The following RPS14 variants were observed in gnomAD, a reference collection of about 807,000 sequenced individuals.
RPS14 encodes ribosomal protein S14.
Under a neutral mutation model 15.4 loss-of-function variants are expected in RPS14, and 1 was observed. The observed-to-expected ratio is 0.07, with a 90% CI of 0.02 to 0.31. The LOEUF (loss-of-function observed/expected upper bound fraction) is 0.31. Ranked by LOEUF, RPS14 falls within the 10% of genes least tolerant of loss-of-function variation. The probability of loss-of-function intolerance (pLI) is 1.00; values close to 1 mark genes in which losing one functional copy is unlikely to be tolerated. For synonymous variants in RPS14, 68 were observed against 74.4 expected (o/e 0.91, Z 0.44); for missense variants, 69 against 205.5 (o/e 0.34, Z 4.06).
In RPS14 at chr5:150,446,447, A is replaced by G. The variant is rs13177970; in HGVS notation, c.311+355T>C. 0.22 allele frequency among the ~76,000 whole-genome samples: 32,794 copies of G among 151,596 alleles called. 4,207 individuals are homozygous for G. The highest frequency in any genetic ancestry group is 0.4 in the South Asian group (1,937 of 4,814). On this transcript the variant is annotated intron_variant, in intron 3 of 4. Coordinates refer to ENST00000407193, the MANE Select transcript of RPS14 (RefSeq NM_005617.4). This position sits in a 1 kb window ranked among gnomAD's most constrained non-coding sequence, Gnocchi z 4.2. Reference sequence around the variant, plus strand: ...TAGTTTAAATTACACTTTATCACCAACTCCTTACTTGTGCTTCCTGGCATT... The same window carrying G: ...TAGTTTAAATTACACTTTATCACCAGCTCCTTACTTGTGCTTCCTGGCATT...
In RPS14 at chr5:150,445,597, G is replaced by A. The variant is rs1192465020; in HGVS notation, c.388+12C>T. On this transcript the variant is annotated intron_variant, in intron 4 of 4. Coordinates refer to ENST00000407193, the MANE Select transcript of RPS14 (RefSeq NM_005617.4). Reference sequence around the variant, plus strand: ...AAATAAACCCAAGCATTAGCTAGAGGGGGGCACTTACCAATCCGCCCGATC... The same window carrying A: ...AAATAAACCCAAGCATTAGCTAGAGAGGGGCACTTACCAATCCGCCCGATC... 1 of 1,612,448 alleles carries A rather than the reference G, an allele frequency of 6.2e-7. No homozygotes were observed. The highest frequency in any genetic ancestry group is 1.7e-5 in the Admixed American group (1 of 59,878).
intron 2 of RPS14, chr5:150,447,298 G>A (rs556086016): frequency 1.9e-6 from 1 of 535,336 alleles, no homozygotes; most frequent in South Asian, 2.4e-5. Flanking sequence ...CGCACCCAGA[G>A]CCCACTTGCA....
intron 2 of RPS14, chr5:150,447,280 G>A (rs905098145): frequency 5.7e-5 from 30 of 523,426 alleles, no homozygotes; most frequent in African/African-American, 4.8e-4. Context: ...CTAAATGGCC[G>A]TCGAACCCGC....
intron 4 of RPS14, chr5:150,444,744 C>A: frequency 2.3e-6 from 1 of 435,076 alleles, no homozygotes; most frequent in Non-Finnish European, 4.6e-6. Context: ...TAAGGCTGGG[C>A]GCGGTGGCTC....
Position 150,446,599 on chromosome 5 carries a change from C to A in RPS14, c.311+203G>T, listed in dbSNP as rs1771105645. ...TTTCCCCATCACTCTCTTCTAGTAC[C>A]TGAAACACAGCTCCTAGTATACAGT... On this transcript the variant is annotated intron_variant, in intron 3 of 4. Coordinates refer to ENST00000407193, the MANE Select transcript of RPS14 (RefSeq NM_005617.4). The surrounding 1 kb of genome is among the most constrained non-coding windows in gnomAD (Gnocchi z 4.2). Among the ~76,000 whole-genome samples the A allele has an allele frequency of 6.6e-6, 1 of 152,180 alleles. No individual in the cohort carries two copies. The highest frequency in any genetic ancestry group is 2.4e-5 in the African/African-American group (1 of 41,436).
chr5:150,447,356 C>G (rs958485517), intron 2 of RPS14: 1 of 576,190 alleles, frequency 1.7e-6, no homozygotes, highest in East Asian at 2.9e-5. Context: ...AGATAATTCC[C>G]AAGAAACCAA....
At chr5:150,444,678 A>C in intron 4 of RPS14, 1 of 533,306 alleles carries the variant, frequency 1.9e-6, no homozygotes, top group East Asian at 4.6e-5. Flanking sequence ...GGTAACTGCA[A>C]CTGTCTCGTT....
chr5:150,444,859 T>TAAAAA (rs1249287991), intron 4 of RPS14, among the ~76,000 whole-genome samples: 1 of 98,356 alleles, frequency 1.0e-5, no homozygotes. Flanking sequence ...AACTCCCCGC[T>TAAAAA]ACAAAAAAAA....
chr5:150,444,873 G>A (rs1367822460), intron 4 of RPS14, among the ~76,000 whole-genome samples: 8 of 120,606 alleles, frequency 6.6e-5, no homozygotes, highest in East Asian at 5.2e-4. Context: ...AAAAAAAAAA[G>A]CCCGGTGTGG....
At chr5:150,444,471 C>G (rs1771029191) in intron 4 of RPS14, 118 bp from the exon 5 acceptor site, 1 of 791,348 alleles carries the variant, frequency 1.3e-6, no homozygotes, top group Non-Finnish European at 2.2e-6. Flanking sequence ...CAAATGACTC[C>G]CCAGTACCTA....
At position 150,447,739 on chromosome 5, in the gene RPS14, A is replaced by C. The variant is rs1224164517; in HGVS notation, c.-2-4T>G. 6.2e-7 allele frequency: 1 copy of C among 1,611,946 alleles called. No individual in the cohort carries two copies. Among genetic ancestry groups the C allele is most frequent in the Non-Finnish European group, 8.5e-7 (1 of 1,178,436 alleles). ...TTCCCCTTTCGAGGTGCCATTTCTG[A>C]GTGGAAGGAAAAGAAACTCAAGGTT... On this transcript the variant is annotated splice_polypyrimidine_tract_variant and splice_region_variant and intron_variant, in intron 1 of 4. Transcript: ENST00000407193.
intron 2 of RPS14, chr5:150,447,315 T>C (rs1771130457): frequency 3.7e-6 from 2 of 547,896 alleles, no homozygotes; most frequent in Non-Finnish European, 6.5e-6. Context: ...TGCAGTCCAC[T>C]GCTGCTCCTG....
At chr5:150,447,441 T>C in intron 2 of RPS14, 144 bp downstream of exon 2, 1 of 809,436 alleles carries the variant, frequency 1.2e-6, no homozygotes, top group Non-Finnish European at 2.1e-6. Context: ...ATCACAATAT[T>C]TGTGGGCTAA....
intron 3 of RPS14, 68 bp from the exon 4 acceptor site, chr5:150,445,753 T>C: frequency 8.2e-7 from 1 of 1,218,654 alleles, no homozygotes; most frequent in Non-Finnish European, 1.2e-6. Context: ...CTTTCTAAGA[T>C]CCCAACACCC....
rs1216352276 is a variant in RPS14 at position 150,442,874 on chromosome 5, T to C, written c.*1412A>G. ...CCACCATGCCCAGCTAATTTTTTAT[T>C]TTTTGTAGAGACGGGGTCTCCCTGT... On this transcript the variant is annotated 3_prime_UTR_variant, in exon 5 of 5. Coordinates refer to ENST00000407193, the MANE Select transcript of RPS14 (RefSeq NM_005617.4). The C allele has an allele frequency of 6.6e-6, 1 of 152,108 alleles. No individual in the cohort carries two copies. The highest frequency in any genetic ancestry group is 1.5e-5 in the Non-Finnish European group (1 of 68,060). 9.4% of individuals were successfully genotyped at this position (152,108 alleles called of 1,614,324 possible).
In RPS14 at chr5:150,446,968, G is replaced by C. The variant is rs754827647; in HGVS notation, c.150-5C>G. 2.5e-6 allele frequency: 4 copies of C among 1,613,736 alleles called. No individual in the cohort carries two copies. The highest frequency in any genetic ancestry group is 3.4e-6 in the Non-Finnish European group (4 of 1,179,926). ...GTCACACGGCAGATGGTTTCCCTGGGGACAAAAGCACAGGGTCATTTCTTC... is the reference window on the plus strand; with the variant it reads ...GTCACACGGCAGATGGTTTCCCTGGCGACAAAAGCACAGGGTCATTTCTTC... On this transcript the variant is annotated splice_region_variant and splice_polypyrimidine_tract_variant and intron_variant, in intron 2 of 4. Coordinates refer to ENST00000407193, the MANE Select transcript of RPS14 (RefSeq NM_005617.4). The surrounding 1 kb of genome is among the most constrained non-coding windows in gnomAD (Gnocchi z 4.2).
rs923494727 is a variant in RPS14, at chr5:150,444,746, C to T, written c.389-393G>A. Reference sequence around the variant, plus strand: ...TGAAAAAATCTTTTAAGGCTGGGCGCGGTGGCTCATGCCTGTAATCCTAGC... The same window carrying T: ...TGAAAAAATCTTTTAAGGCTGGGCGTGGTGGCTCATGCCTGTAATCCTAGC... On this transcript the variant is annotated intron_variant, in intron 4 of 4. Coordinates refer to ENST00000407193, the MANE Select transcript of RPS14 (RefSeq NM_005617.4). 3.9e-5 allele frequency: 15 copies of T among 384,212 alleles called. No homozygotes were observed. In the East Asian group the frequency reaches 8.3e-4, roughly 21 times the overall value. The allele number at this position is 384,212 out of a possible 1,614,324, so 23.8% of individuals were successfully genotyped here. A position where few individuals can be genotyped will look rare whatever the true frequency, so the allele number is the denominator to read the frequency against.
chr5:150,446,527 C>G lies in RPS14; in HGVS notation c.311+275G>C, dbSNP rs569171537. On this transcript the variant is annotated intron_variant, in intron 3 of 4. Coordinates refer to ENST00000407193, the MANE Select transcript of RPS14 (RefSeq NM_005617.4). The surrounding 1 kb of genome is among the most constrained non-coding windows in gnomAD (Gnocchi z 4.2). ...GTGCTCTGTTGTTTAAAGTCTGACTCTCCCACCAGCCTCGGTCCCACACAA... is the reference window on the plus strand; with the variant it reads ...GTGCTCTGTTGTTTAAAGTCTGACTGTCCCACCAGCCTCGGTCCCACACAA... Among the ~76,000 whole-genome samples the G allele has an allele frequency of 6.6e-6, 1 of 152,332 alleles. No individual in the cohort carries two copies. The highest frequency in any genetic ancestry group is 2.1e-4 in the South Asian group (1 of 4,826).
At chr5:150,447,031 T>C (rs1161494010) in intron 2 of RPS14, 68 bp from the exon 3 acceptor site, 2 of 1,563,522 alleles carry the variant, frequency 1.3e-6, no homozygotes, top group Non-Finnish European at 1.7e-6. Context: ...TCCTAATGAG[T>C]GAAGAGCAAC....
Sources: gnomAD v4.1 joint callset for allele counts (sites outside exome capture counted in the v4.1 genomes callset) on GRCh38, gnomAD v4.1.1 for gene constraint, Gnocchi (gnomAD v3.1) non-coding constraint, MANE v1.5 for transcripts, NCBI Gene and HGNC (gene_info 2026-07-23, HGNC 2026-07-21) for gene names.